Variants in SH2B3 observed in about 807,000 individuals in gnomAD.
SH2B3 encodes SH2B adaptor protein 3.
SH2B3 carries 43 observed loss-of-function variants against 51.9 expected under a neutral mutation model. That is an observed-to-expected ratio of 0.83 (90% CI 0.65 to 1.07). The LOEUF is 1.07. Among genes scored for constraint, SH2B3 ranks in the 50% least tolerant of loss-of-function variants. The probability of loss-of-function intolerance (pLI) is 0.00; values close to 1 mark genes in which losing one functional copy is unlikely to be tolerated. For synonymous variants in SH2B3, 396 were observed against 376.0 expected (o/e 1.05, Z -0.62); for missense variants, 952 against 834.3 (o/e 1.14, Z -1.74).
At position 111,447,345 on chromosome 12, in the gene SH2B3, G is replaced by A. The variant is rs903019663; in HGVS notation, c.1037G>A (p.Gly346Glu). ...DSLNQGASPG[G>E]LLDPACQKTD... ...TATCTAACAGGTGCTTCTCCTGGGG[G>A]GCTGCTGGACCCGGCCTGCCAGAAG... is the stretch of plus-strand genomic sequence containing the variant. Residue 346 changes from glycine (G) to glutamate (E), a missense_variant, in exon 6 of 8, where the codon GGG (glycine) becomes GAG (glutamate). Gly to Glu is a moderately conservative substitution (Grantham distance 98). Transcript: ENST00000341259. 1 of 1,613,850 alleles carries A rather than the reference G, an allele frequency of 6.2e-7. No homozygotes were observed. The highest frequency in any genetic ancestry group is 1.1e-5 in the South Asian group (1 of 91,066).
chr12:111,446,025 G>A (rs902689602), intron 2 of SH2B3, among the ~76,000 whole-genome samples: 2 of 152,234 alleles, frequency 1.3e-5, no homozygotes, highest in Non-Finnish European at 2.9e-5. Flanking sequence ...ACACCTGAAT[G>A]GAGGGGGCCC....
Position 111,447,113 on chromosome 12 carries a change from C to T in SH2B3, c.927-12C>T. On this transcript the variant is annotated splice_polypyrimidine_tract_variant and intron_variant, in intron 4 of 7. Transcript: ENST00000341259. ...CTGCCCAGATCCTTAACCTCAGCCT[C>T]TTCTCCAGCAGGCTGGAGAGCACAG... 1 of 1,612,074 alleles carries T rather than the reference C, an allele frequency of 6.2e-7. No individual in the cohort carries two copies. The highest frequency in any genetic ancestry group is 8.5e-7 in the Non-Finnish European group (1 of 1,178,128).
At position 111,429,693 on chromosome 12, in the gene SH2B3, C is replaced by T. The variant is rs1395948252; in HGVS notation, c.732+10816C>T. On this transcript the variant is annotated intron_variant, in intron 2 of 7. Transcript: ENST00000341259. The surrounding 1 kb of genome is among the most constrained non-coding windows in gnomAD (Gnocchi z 4.4). ...TGTGTCCGCCACATCCCATGGAATC[C>T]TTATCACAAACCCCGGAGGTGGGGA... is the stretch of plus-strand genomic sequence containing the variant. Among the ~76,000 whole-genome samples, 1 of 152,172 alleles carries T rather than the reference C, an allele frequency of 6.6e-6. No homozygotes were observed. Among genetic ancestry groups the T allele is most frequent in the Non-Finnish European group, 1.5e-5 (1 of 68,026 alleles).
intron 2 of SH2B3, among the ~76,000 whole-genome samples, chr12:111,442,507 G>GT (rs1376860414): frequency 6.6e-6 from 1 of 152,192 alleles, no homozygotes; most frequent in Non-Finnish European, 1.5e-5. Flanking sequence ...TCTGGGGAAG[G>GT]TAAGACCACC....
rs56013723 is a variant in SH2B3 at position 111,435,076 on chromosome 12, T to C, written c.733-11677T>C. 1 of 1,446,396 alleles carries C rather than the reference T, an allele frequency of 6.9e-7. No individual in the cohort carries two copies. Among genetic ancestry groups the C allele is most frequent in the Non-Finnish European group, 9.4e-7 (1 of 1,067,616 alleles). 89.6% of individuals were successfully genotyped at this position (1,446,396 alleles called of 1,614,324 possible). On this transcript the variant is annotated intron_variant, in intron 2 of 7. Coordinates refer to ENST00000341259, the MANE Select transcript of SH2B3 (RefSeq NM_005475.3). The surrounding 1 kb of genome is among the most constrained non-coding windows in gnomAD (Gnocchi z 4.8). ...GGGGCTTTGGGGATCTTGGTGGTGA[T>C]GAGTCCCCTCTCCTCTGGTGCACTC...
rs188518820 is a variant in SH2B3, at chr12:111,451,438, T to G, written c.*3136T>G. ...ACACATCTGACATCCTGTGTTTGGT[T>G]AGAATATACAGCACATTGTGATAAC... On this transcript the variant is annotated 3_prime_UTR_variant, in exon 8 of 8. Transcript: ENST00000341259. 2 of 152,608 alleles carry G rather than the reference T, an allele frequency of 1.3e-5. No individual in the cohort carries two copies. The highest frequency in any genetic ancestry group is 4.8e-5 in the African/African-American group (2 of 41,462). The allele number at this position is 152,608 out of a possible 1,614,324, so 9.5% of individuals were successfully genotyped here. A position where few individuals can be genotyped will look rare whatever the true frequency, so the allele number is the denominator to read the frequency against.
rs959781377 is a variant in SH2B3 at position 111,405,930 on chromosome 12, G to C, written c.-375G>C. ...CACGGCCGGTTCCTCTTTACATAACGGCGCGGGGCGGCATGGGCCCGGGCC... is the reference window on the plus strand; with the variant it reads ...CACGGCCGGTTCCTCTTTACATAACCGCGCGGGGCGGCATGGGCCCGGGCC... On this transcript the variant is annotated 5_prime_UTR_variant, in exon 1 of 8. Transcript: ENST00000341259. The surrounding 1 kb of genome is among the most constrained non-coding windows in gnomAD (Gnocchi z 5.4). 1 of 151,730 alleles carries C rather than the reference G, an allele frequency of 6.6e-6. No homozygotes were observed. The highest frequency in any genetic ancestry group is 2.4e-5 in the African/African-American group (1 of 41,378). The allele number at this position is 151,730 out of a possible 1,614,324, so 9.4% of individuals were successfully genotyped here.
At position 111,418,612 on chromosome 12, in the gene SH2B3, C is replaced by A. The variant is rs771591913; in HGVS notation, c.467C>A (p.Ala156Glu). 4.7e-6 allele frequency: 7 copies of A among 1,479,478 alleles called. 1 individual carries two copies. In the South Asian group the frequency reaches 7.7e-5, roughly 16 times the overall value. 91.6% of individuals were successfully genotyped at this position (1,479,478 alleles called of 1,614,324 possible). ...CGCCGCTCGGCCGGGGAGCTGCCAG[C>A]GGCCCACACCGCTGCCGCCCCCGGG... Reference protein sequence around the residue: ...FRRRSAGELPAAHTAAAPGTP... With the variant: ...FRRRSAGELPEAHTAAAPGTP... The change falls in exon 2 of 8, where the codon GCG becomes GAG. Residue 156 changes from alanine to glutamate, a missense_variant. Transcript: ENST00000341259. The surrounding 1 kb of genome is among the most constrained non-coding windows in gnomAD (Gnocchi z 6.7).
At position 111,418,613 on chromosome 12, in the gene SH2B3, G is replaced by T; in HGVS notation, c.468G>T (p.Ala156=). ...GCCGCTCGGCCGGGGAGCTGCCAGC[G>T]GCCCACACCGCTGCCGCCCCCGGGA... The part of the protein sequence containing the change: ...FRRRSAGELP[A]AHTAAAPGTP... Residue 156 remains alanine, a synonymous_variant, in exon 2 of 8, where the codon GCG becomes GCT. Coordinates refer to ENST00000341259, the MANE Select transcript of SH2B3 (RefSeq NM_005475.3). This position sits in a 1 kb window ranked among gnomAD's most constrained non-coding sequence, Gnocchi z 6.7. 1 of 1,481,904 alleles carries T rather than the reference G, an allele frequency of 6.7e-7. No homozygotes were observed. The highest frequency in any genetic ancestry group is 8.9e-7 in the Non-Finnish European group (1 of 1,125,836). 91.8% of individuals were successfully genotyped at this position (1,481,904 alleles called of 1,614,324 possible).
At chr12:111,436,329 A>G (rs1872873126) in intron 2 of SH2B3, among the ~76,000 whole-genome samples, 2 of 152,106 alleles carry the variant, frequency 1.3e-5, no homozygotes, top group Admixed American at 1.3e-4. Flanking sequence ...TGGGGCCTGG[A>G]CTTCCTGTCC....
rs575967172 is a variant in SH2B3, at chr12:111,407,256, G to C, written c.-28+979G>C. Among the ~76,000 whole-genome samples the C allele has an allele frequency of 6.6e-6, 1 of 152,314 alleles. No homozygotes were observed. The highest frequency in any genetic ancestry group is 1.9e-4 in the East Asian group (1 of 5,180). ...CCAGGGAGGGGCACGGCCAGGCTGG[G>C]CTGAGTGGGAGGAAGTGAAATCTGG... On this transcript the variant is annotated intron_variant, in intron 1 of 7. Transcript: ENST00000341259. This position sits in a 1 kb window ranked among gnomAD's most constrained non-coding sequence, Gnocchi z 4.3.
intron 1 of SH2B3, among the ~76,000 whole-genome samples, chr12:111,416,036 G>T (rs180776555): frequency 6.6e-6 from 1 of 152,074 alleles, no homozygotes; most frequent in South Asian, 2.1e-4. Context: ...CCGCCTCCCG[G>T]GTTCATGCCA....
At position 111,448,090 on chromosome 12, in the gene SH2B3, T is replaced by C. The variant is rs1230243745; in HGVS notation, c.1516T>C (p.Cys506Arg). Reference sequence around the variant, plus strand: ...CCTTCCCCACCTTAGTTCTTCTGGCTGTCCCCGGGGGCTCAGCCCAGAGGG... The same window carrying C: ...CCTTCCCCACCTTAGTTCTTCTGGCCGTCCCCGGGGGCTCAGCCCAGAGGG... ...LGLPHLSSSGCPRGLSPEGLP... is the reference protein window; with the variant it reads ...LGLPHLSSSGRPRGLSPEGLP... Residue 506 changes from cysteine to arginine, a missense_variant, in exon 8 of 8, where the codon TGT becomes CGT. Coordinates refer to ENST00000341259, the MANE Select transcript of SH2B3 (RefSeq NM_005475.3). The C allele has an allele frequency of 6.2e-7, 1 of 1,614,132 alleles. No individual in the cohort carries two copies.
intron 7 of SH2B3, 35 bp from the exon 8 acceptor site, chr12:111,447,948 C>A: frequency 1.3e-6 from 2 of 1,564,986 alleles, no homozygotes; most frequent in Non-Finnish European, 8.7e-7. Context: ...TGCCTCAAGA[C>A]TGATGGTGTG....
intron 2 of SH2B3, among the ~76,000 whole-genome samples, chr12:111,426,113 C>T (rs987578013): frequency 2.6e-5 from 4 of 152,120 alleles, no homozygotes; most frequent in Non-Finnish European, 4.4e-5. Flanking sequence ...TAGACGGAGG[C>T]GGGGTCCCAG....
rs1156598642 is a variant in SH2B3, at chr12:111,438,384, T to G, written c.733-8369T>G. Among the ~76,000 whole-genome samples the G allele has an allele frequency of 2.0e-5, 3 of 152,102 alleles. No homozygotes were observed. The highest frequency in any genetic ancestry group is 2.0e-4 in the Admixed American group (3 of 15,274). The stretch of plus-strand genomic sequence containing the variant: ...GGGGGCTGACACACCTGAGCCTGCC[T>G]TTCAGCCTGCCCTCTTCCCTGGCCA... On this transcript the variant is annotated intron_variant, in intron 2 of 7. Coordinates refer to ENST00000341259, the MANE Select transcript of SH2B3 (RefSeq NM_005475.3). The surrounding 1 kb of genome is among the most constrained non-coding windows in gnomAD (Gnocchi z 4.2).
chr12:111,442,582 C>T (rs1401479267), intron 2 of SH2B3, among the ~76,000 whole-genome samples: 1 of 152,188 alleles, frequency 6.6e-6, no homozygotes, highest in Non-Finnish European at 1.5e-5. Flanking sequence ...TGGTCTGGGC[C>T]AAGCCCTTGC....
At chr12:111,433,777 G>GTTTTGT (rs1555225630) in intron 2 of SH2B3, among the ~76,000 whole-genome samples, 1 of 152,058 alleles carries the variant, frequency 6.6e-6, no homozygotes, top group Non-Finnish European at 1.5e-5. Context: ...GTTTTGTTTT[G>GTTTTGT]TTTTGTTTTT....
rs888632797 is a variant in SH2B3 at position 111,406,191 on chromosome 12, G to T, written c.-114G>T. Reference sequence around the variant, plus strand: ...GGGCGGGAGAGGACGCGCCCAGGGCGGGGGCCCGCCCGCCCCCTCGGGATT... The same window carrying T: ...GGGCGGGAGAGGACGCGCCCAGGGCTGGGGCCCGCCCGCCCCCTCGGGATT... On this transcript the variant is annotated 5_prime_UTR_variant, in exon 1 of 8. Coordinates refer to ENST00000341259, the MANE Select transcript of SH2B3 (RefSeq NM_005475.3). This position sits in a 1 kb window ranked among gnomAD's most constrained non-coding sequence, Gnocchi z 5.7. 2.0e-5 allele frequency: 3 copies of T among 151,820 alleles called. No homozygotes were observed. Among genetic ancestry groups the T allele is most frequent in the African/African-American group, 7.2e-5 (3 of 41,388 alleles). 9.4% of individuals were successfully genotyped at this position (151,820 alleles called of 1,614,324 possible).
Sources: gnomAD v4.1 joint callset for allele counts (sites outside exome capture counted in the v4.1 genomes callset) on GRCh38, gnomAD v4.1.1 for gene constraint, Gnocchi (gnomAD v3.1) non-coding constraint, MANE v1.5 for transcripts, NCBI Gene and HGNC (gene_info 2026-07-23, HGNC 2026-07-21) for gene names.